The following THRA variants were observed in gnomAD, a reference collection of about 807,000 sequenced individuals.
THRA encodes the protein EAR-7.
In THRA, 13 loss-of-function variants were observed where a neutral mutation model predicts 45.0. That is an observed-to-expected ratio of 0.29 (90% CI 0.19 to 0.46). The LOEUF is 0.46. THRA is among the 20% of genes least tolerant of loss of function. The probability of loss-of-function intolerance (pLI) is 1.00; values close to 1 mark genes in which losing one functional copy is unlikely to be tolerated. For missense variants in THRA, 278 were observed against 556.1 expected (o/e 0.50, Z 5.03); for synonymous variants, 195 against 214.0 (o/e 0.91, Z 0.78).
chr17:40,084,331 G>A (rs908171077), intron 5 of THRA: 25 of 514,862 alleles, frequency 4.9e-5, no homozygotes, highest in Non-Finnish European at 8.4e-5. Context: ...ATTGGCTGGG[G>A]ATTGGGTGGC....
At chr17:40,093,401 T>A (rs1188630695), downstream of THRA, 1 of 1,603,712 alleles carries the variant, frequency 6.2e-7, no homozygotes, top group Non-Finnish European at 8.5e-7. The surrounding 1 kb of genome is among the most constrained non-coding windows in gnomAD (Gnocchi z 5.9). Flanking sequence ...AGAAGGCCGA[T>A]GGGGAAGGAG....
chr17:40,067,023 G>A (rs1446201468), intron 1 of THRA, among the ~76,000 whole-genome samples: 1 of 152,200 alleles, frequency 6.6e-6, no homozygotes, highest in Non-Finnish European at 1.5e-5. Context: ...TCTTAGAGAA[G>A]CTTCGTGGAG....
rs912205501 is a variant in THRA, at chr17:40,090,000, C to T, written c.*544C>T. On this transcript the variant is annotated 3_prime_UTR_variant, in exon 9 of 9. Transcript: ENST00000450525. The surrounding 1 kb of genome is among the most constrained non-coding windows in gnomAD (Gnocchi z 6.1). ...TTCTAACTGCACTTTGGAAACCAAG[C>T]AAGGGGAGAAGACAAATGAAGAAAA... The T allele has an allele frequency of 1.2e-5, 12 of 988,148 alleles. No individual in the cohort carries two copies. In the African/African-American group the frequency reaches 1.9e-4, roughly 16 times the overall value. The allele number at this position is 988,148 out of a possible 1,614,324, so 61.2% of individuals were successfully genotyped here. A position where few individuals can be genotyped will look rare whatever the true frequency, so the allele number is the denominator to read the frequency against.
intron 1 of THRA, among the ~76,000 whole-genome samples, chr17:40,073,174 A>G (rs1195144849): frequency 6.6e-6 from 1 of 152,078 alleles, no homozygotes; most frequent in Non-Finnish European, 1.5e-5. Flanking sequence ...TTGAGGTCGT[A>G]TGTTGGGGAG....
Position 40,088,301 on chromosome 17 carries a change from G to A in THRA, c.783G>A (p.Leu261=), listed in dbSNP as rs954888678. ...LKGCCMEIMS[L]RAAVRYDPES... Reference sequence around the variant, plus strand: ...GGTGCTGCATGGAGATCATGTCCCTGCGGGCGGCTGTCCGCTACGACCCTG... The same window carrying A: ...GGTGCTGCATGGAGATCATGTCCCTACGGGCGGCTGTCCGCTACGACCCTG... The change falls in exon 8 of 9, where the codon CTG becomes CTA. Residue 261 remains leucine (L), a synonymous_variant. Transcript: ENST00000450525. The A allele has an allele frequency of 6.2e-7, 1 of 1,612,592 alleles. No individual in the cohort carries two copies. Among genetic ancestry groups the A allele is most frequent in the Non-Finnish European group, 8.5e-7 (1 of 1,178,938 alleles).
chr17:40,093,798 C>A, downstream of THRA: 1 of 889,206 alleles, frequency 1.1e-6, no homozygotes, highest in Non-Finnish European at 1.8e-6. The surrounding 1 kb of genome is among the most constrained non-coding windows in gnomAD (Gnocchi z 5.9). Flanking sequence ...TGAATCATGT[C>A]TGTATCCCCA....
intron 6 of THRA, among the ~76,000 whole-genome samples, chr17:40,085,856 T>C (rs1028838327): frequency 2.0e-5 from 3 of 152,114 alleles, no homozygotes; most frequent in African/African-American, 7.2e-5. Flanking sequence ...TTGGTCAGGC[T>C]TGTCTGAACT....
Position 40,092,659 on chromosome 17 carries a change from C to T in THRA, c.*3203C>T, listed in dbSNP as rs967812667. ...TGGGCACCCCCCTTAGACTTGTGTG[C>T]TGTTTCCCTATATCCTCCCATCTGC... On this transcript the variant is annotated 3_prime_UTR_variant, in exon 9 of 9. Coordinates refer to ENST00000450525, the MANE Select transcript of THRA (RefSeq NM_199334.5). The T allele has an allele frequency of 2.0e-5, 4 of 200,846 alleles. No homozygotes were observed. Among genetic ancestry groups the T allele is most frequent in the Non-Finnish European group, 4.1e-5 (4 of 98,058 alleles). 12.4% of individuals were successfully genotyped at this position (200,846 alleles called of 1,614,324 possible).
In THRA at chr17:40,075,816, G is replaced by T. The variant is rs148094635; in HGVS notation, c.54-1055G>T. Among the ~76,000 whole-genome samples, 9 of 152,344 alleles carry T rather than the reference G, an allele frequency of 5.9e-5. No individual in the cohort carries two copies. In the East Asian group the frequency reaches 1.5e-3, roughly 26 times the overall value. The stretch of plus-strand genomic sequence containing the variant: ...CCCTGCACCCAACCCTCTGGGAGGC[G>T]TGAGGGAGACCTGACCTTTCAGCCT... On this transcript the variant is annotated intron_variant, in intron 2 of 8. Coordinates refer to ENST00000450525, the MANE Select transcript of THRA (RefSeq NM_199334.5).
At chr17:40,093,509 C>G (rs905732288), downstream of THRA, 18 of 1,386,292 alleles carry the variant, frequency 1.3e-5, no homozygotes, top group Non-Finnish European at 1.7e-5. The surrounding 1 kb of genome is among the most constrained non-coding windows in gnomAD (Gnocchi z 5.9). Flanking sequence ...CCTCCCATCC[C>G]GTAAGACCAC....
rs1407689338 is a variant in THRA at position 40,084,481 on chromosome 17, G to A, written c.371-129G>A. 3.1e-5 allele frequency: 31 copies of A among 985,398 alleles called. No homozygotes were observed. In the East Asian group the frequency reaches 7.2e-4, roughly 23 times the overall value. 61.0% of individuals were successfully genotyped at this position (985,398 alleles called of 1,614,324 possible). The stretch of plus-strand genomic sequence containing the variant: ...GTGCTGCCCAACTGCTAGGTGATTT[G>A]GGAAGTCATTTAGCCTCCATGGCCC... On this transcript the variant is annotated intron_variant, in intron 5 of 8. Transcript: ENST00000450525.
At chr17:40,079,190 G>C (rs1373271823) in intron 4 of THRA, among the ~76,000 whole-genome samples, 2 of 152,168 alleles carry the variant, frequency 1.3e-5, no homozygotes, top group Non-Finnish European at 2.9e-5. Flanking sequence ...GAAGAGGACA[G>C]CAGGTTCTTC....
intron 4 of THRA, among the ~76,000 whole-genome samples, chr17:40,079,192 A>G (rs965748142): frequency 7.9e-5 from 12 of 152,116 alleles, no homozygotes; most frequent in African/African-American, 2.9e-4. Flanking sequence ...AGAGGACAGC[A>G]GGTTCTTCCA....
At chr17:40,081,441 A>G (rs1208407374) in intron 4 of THRA, among the ~76,000 whole-genome samples, 6 of 151,608 alleles carry the variant, frequency 4.0e-5, no homozygotes, top group African/African-American at 1.5e-4. Context: ...GTGTATTTTT[A>G]GTAGAGATGG....
rs1384607736 is a variant in THRA at position 40,089,201 on chromosome 17, C to T, written c.983-5C>T. ...CTCGCCCCTCACGCCCCTCTTCCCT[C>T]ACAGACCGCTCGGGCCTGCTGTGTG... is the stretch of plus-strand genomic sequence containing the variant. On this transcript the variant is annotated splice_region_variant and splice_polypyrimidine_tract_variant and intron_variant, in intron 8 of 8. Coordinates refer to ENST00000450525, the MANE Select transcript of THRA (RefSeq NM_199334.5). The surrounding 1 kb of genome is among the most constrained non-coding windows in gnomAD (Gnocchi z 6.1). 6.2e-7 allele frequency: 1 copy of T among 1,613,580 alleles called. No individual in the cohort carries two copies. The highest frequency in any genetic ancestry group is 1.1e-5 in the South Asian group (1 of 91,058).
At position 40,081,447 on chromosome 17, in the gene THRA, G is replaced by T. The variant is rs1598394617; in HGVS notation, c.223-2388G>T. On this transcript the variant is annotated intron_variant, in intron 4 of 8. Transcript: ENST00000450525. Reference sequence around the variant, plus strand: ...GGCCAATTTGTGTATTTTTAGTAGAGATGGGGTTTTGCTATGTTGGACAGG... The same window carrying T: ...GGCCAATTTGTGTATTTTTAGTAGATATGGGGTTTTGCTATGTTGGACAGG... Among the ~76,000 whole-genome samples the T allele has an allele frequency of 4.6e-5, 7 of 151,888 alleles. 1 individual carries two copies. In the East Asian group the frequency reaches 1.4e-3, roughly 30 times the overall value.
At chr17:40,067,619 C>T (rs1235673334) in intron 1 of THRA, among the ~76,000 whole-genome samples, 1 of 152,200 alleles carries the variant, frequency 6.6e-6, no homozygotes, top group Non-Finnish European at 1.5e-5. Context: ...AGGATCCCCT[C>T]TCCAAACCCC....
intron 6 of THRA, among the ~76,000 whole-genome samples, chr17:40,085,026 G>A (rs142343695): frequency 2.0e-5 from 3 of 152,326 alleles, no homozygotes; most frequent in Non-Finnish European, 4.4e-5. Context: ...GCTCAATGAG[G>A]ACAGGGCCTT....
At position 40,091,072 on chromosome 17, in the gene THRA, A is replaced by G. The variant is rs1394853866; in HGVS notation, c.*1616A>G. On this transcript the variant is annotated 3_prime_UTR_variant, in exon 9 of 9. Coordinates refer to ENST00000450525, the MANE Select transcript of THRA (RefSeq NM_199334.5). ...CAGGGCTGCATGTCGGCAGGGATGG[A>G]TGGGTGGACACAGATGCCCCCGGAA... The G allele has an allele frequency of 2.4e-5, 3 of 122,944 alleles. No homozygotes were observed. Among genetic ancestry groups the G allele is most frequent in the African/African-American group, 9.3e-5 (3 of 32,250 alleles). The allele number at this position is 122,944 out of a possible 1,614,324, so 7.6% of individuals were successfully genotyped here.
Sources: gnomAD v4.1 joint callset for allele counts (sites outside exome capture counted in the v4.1 genomes callset) on GRCh38, gnomAD v4.1.1 for gene constraint, Gnocchi (gnomAD v3.1) non-coding constraint, MANE v1.5 for transcripts, NCBI Gene and HGNC (gene_info 2026-07-23, HGNC 2026-07-21) for gene names.